Variants in COL12A1 observed in about 807,000 individuals in gnomAD.
The protein encoded by COL12A1 is collagen alpha-1(XII) chain.
Under a neutral mutation model 349.7 loss-of-function variants are expected in COL12A1, and 114 were observed. That is an observed-to-expected ratio of 0.33 (90% confidence interval 0.28 to 0.38). COL12A1 has a LOEUF of 0.38. Ranked by LOEUF, COL12A1 falls within the 10% of genes least tolerant of loss-of-function variation. The pLI is 1.00. For missense variants in COL12A1, 3,284 were observed against 3,756.9 expected (o/e 0.87, Z 3.29); for synonymous variants, 1,369 against 1,329.0 (o/e 1.03, Z -0.66).
intron 3 of COL12A1, among the ~76,000 whole-genome samples, chr6:75,194,560 T>C (rs1414387962): frequency 6.6e-6 from 1 of 152,192 alleles, no homozygotes; most frequent in Non-Finnish European, 1.5e-5. Context: ...CAAAGGTTAC[T>C]AACAATATTC....
intron 13 of COL12A1, among the ~76,000 whole-genome samples, chr6:75,168,952 C>A (rs1480592372): frequency 1.3e-5 from 2 of 152,158 alleles, no homozygotes. Flanking sequence ...AAAATCACTG[C>A]TTTAGGCGGC....
intron 55 of COL12A1, among the ~76,000 whole-genome samples, chr6:75,102,894 A>G (rs944640730): frequency 1.3e-5 from 2 of 152,242 alleles, no homozygotes; most frequent in African/African-American, 2.4e-5. Context: ...TTACAAGAAC[A>G]CTTACATTTC....
At chr6:75,133,747 T>C in intron 33 of COL12A1, 111 bp downstream of exon 33, 1 of 1,214,644 alleles carries the variant, frequency 8.2e-7, no homozygotes, top group Non-Finnish European at 1.2e-6. Context: ...ATTAAATGAA[T>C]ATGAAATTCT....
chr6:75,117,046 G>A (rs575314001), intron 47 of COL12A1, among the ~76,000 whole-genome samples: 1 of 152,198 alleles, frequency 6.6e-6, no homozygotes, highest in Non-Finnish European at 1.5e-5. Context: ...ATTACTAATG[G>A]GGAAAACCTT....
intron 53 of COL12A1, 64 bp downstream of exon 53, chr6:75,106,355 G>A: frequency 7.3e-7 from 1 of 1,365,392 alleles, no homozygotes; most frequent in Non-Finnish European, 1.0e-6. Context: ...CCTCTCCCAG[G>A]CACAAGGGTT....
chr6:75,188,618 C>T, intron 7 of COL12A1, 83 bp from the exon 8 acceptor site: 1 of 1,442,388 alleles, frequency 6.9e-7, no homozygotes, highest in Non-Finnish European at 9.5e-7. Context: ...CTCCATCTTT[C>T]ACAACTGAAG....
At chr6:75,103,466 G>T (rs1388122407) in intron 55 of COL12A1, among the ~76,000 whole-genome samples, 1 of 152,176 alleles carries the variant, frequency 6.6e-6, no homozygotes, top group Non-Finnish European at 1.5e-5. Context: ...TCCCTGTGGG[G>T]TGTGGGTACC....
In COL12A1 at chr6:75,189,793, A is replaced by T. The variant is rs777652114; in HGVS notation, c.417T>A (p.Thr139=). 4.3e-6 allele frequency: 7 copies of T among 1,613,024 alleles called. No homozygotes were observed. The highest frequency in any genetic ancestry group is 5.9e-6 in the Non-Finnish European group (7 of 1,179,304). The change falls in exon 6 of 66, where the codon ACT becomes ACA. Residue 139 remains threonine (T), a synonymous_variant. Transcript: ENST00000322507. ...AGCCATCCACGAGGAAAACCAAATC[A>T]GTCCAGGCACTGACAGAGCATTCTG... The part of the protein sequence containing the change: ...EIQKCSVSAW[T]DLVFLVDGSW...
rs376950606 is a variant in COL12A1 at position 75,133,815 on chromosome 6, C to G, written c.5664+43G>C. 3.7e-6 allele frequency: 6 copies of G among 1,608,226 alleles called. No homozygotes were observed. In the African/African-American group the frequency reaches 8.0e-5, roughly 22 times the overall value. ...GTTCCACTTTTAAATCACTCAGCTA[C>G]CATTTAAACAAACTAGCATTTTTTA... On this transcript the variant is annotated intron_variant, in intron 33 of 65. Coordinates refer to ENST00000322507, the MANE Select transcript of COL12A1 (RefSeq NM_004370.6).
intron 11 of COL12A1, among the ~76,000 whole-genome samples, chr6:75,178,767 A>G (rs1769110726): frequency 6.6e-6 from 1 of 152,198 alleles, no homozygotes; most frequent in South Asian, 2.1e-4. Flanking sequence ...AGACATTTAG[A>G]AGTTTATTTA....
chr6:75,101,812 G>T, intron 57 of COL12A1, 159 bp from the exon 58 acceptor site: 1 of 965,748 alleles, frequency 1.0e-6, no homozygotes, highest in Non-Finnish European at 1.6e-6. Context: ...TAGATGCTCA[G>T]TCAACAAGCA....
At chr6:75,130,744 C>T in intron 36 of COL12A1, 108 bp downstream of exon 36, 1 of 1,410,750 alleles carries the variant, frequency 7.1e-7, no homozygotes, top group South Asian at 1.4e-5. Flanking sequence ...GGATCCCAGG[C>T]AGAAAGCACC....
Position 75,147,773 on chromosome 6 carries a change from A to G in COL12A1, c.4319T>C (p.Val1440Ala). ...AGTTTCAGGTTTCAGATCTTTCAGC[A>G]CTGTGCTAGTTTCCATTCGACTCAC... Reference protein sequence around the residue: ...FYVSRMETSTVLKDLKPETEY... With the variant: ...FYVSRMETSTALKDLKPETEY... Residue 1440 changes from valine (V) to alanine (A), a missense_variant, in exon 23 of 66, where the codon GTG becomes GCG. Val to Ala is a moderately conservative substitution (Grantham distance 64). Coordinates refer to ENST00000322507, the MANE Select transcript of COL12A1 (RefSeq NM_004370.6). The G allele has an allele frequency of 6.2e-7, 1 of 1,613,536 alleles. No individual in the cohort carries two copies. The highest frequency in any genetic ancestry group is 8.5e-7 in the Non-Finnish European group (1 of 1,179,610).
intron 21 of COL12A1, among the ~76,000 whole-genome samples, chr6:75,149,437 G>C (rs572792783): frequency 6.6e-6 from 1 of 152,168 alleles, no homozygotes; most frequent in African/African-American, 2.4e-5. Flanking sequence ...TGTATCACTG[G>C]AGAGAGTGCA....
intron 56 of COL12A1, 56 bp downstream of exon 56, chr6:75,102,540 AT>A: frequency 7.6e-7 from 1 of 1,319,766 alleles, no homozygotes; most frequent in Non-Finnish European, 1.0e-6. Context: ...GAAAAGATTC[AT>A]TTAACTAAAT....
At chr6:75,199,118 C>T (rs367903844) in intron 2 of COL12A1, among the ~76,000 whole-genome samples, 1 of 152,194 alleles carries the variant, frequency 6.6e-6, no homozygotes, top group Non-Finnish European at 1.5e-5. Flanking sequence ...ACAAAACATG[C>T]CCTCTCATTA....
At chr6:75,142,513 T>A (rs553354324) in intron 26 of COL12A1, among the ~76,000 whole-genome samples, 15 of 152,214 alleles carry the variant, frequency 9.9e-5, no homozygotes, top group African/African-American at 3.6e-4. Context: ...TGCACAAGAA[T>A]CTTGTGAGAT....
chr6:75,180,064 G>C (rs926113991), intron 11 of COL12A1, among the ~76,000 whole-genome samples: 5 of 152,208 alleles, frequency 3.3e-5, no homozygotes, highest in Non-Finnish European at 7.3e-5. Context: ...AGGAAGCTGA[G>C]GCAAAAGAAT....
chr6:75,120,507 G>A (rs1769302800), intron 44 of COL12A1, among the ~76,000 whole-genome samples: 1 of 152,160 alleles, frequency 6.6e-6, no homozygotes, highest in Non-Finnish European at 1.5e-5. Context: ...CTGCTTTAAG[G>A]AGTCAATGAT....
Sources: allele counts gnomAD v4.1 joint callset (sites outside exome capture counted in the v4.1 genomes callset), GRCh38; gene constraint gnomAD v4.1.1; transcripts MANE v1.5; gene names NCBI Gene and HGNC (gene_info 2026-07-23, HGNC 2026-07-21).